PRDM15: variants seen among roughly 807,000 people sequenced by gnomAD.
PRDM15 encodes PR/SET domain 15.
Under a neutral mutation model 128.6 loss-of-function variants are expected in PRDM15, and 64 were observed. That is an observed-to-expected ratio of 0.50 (90% CI 0.41 to 0.61). The LOEUF (loss-of-function observed/expected upper bound fraction) is 0.61, where lower values mean the gene tolerates loss of function less well. Among genes scored for constraint, PRDM15 ranks in the 20% least tolerant of loss-of-function variants. PRDM15 has a pLI of 0.00. For synonymous variants in PRDM15, 615 were observed against 621.8 expected (o/e 0.99, Z 0.16); for missense variants, 1,242 against 1,569.1 (o/e 0.79, Z 3.52).
rs68144016 is a variant in PRDM15 at position 41,832,727 on chromosome 21, T to A, written c.1366+2710A>T. On this transcript the variant is annotated intron_variant, in intron 11 of 23. Coordinates refer to ENST00000398548, the MANE Select transcript of PRDM15 (RefSeq NM_001040424.3). This position sits in a 1 kb window ranked among gnomAD's most constrained non-coding sequence, Gnocchi z 4.2. ...AGCCCCCCTCCCAGGCAGGTGCAAA[T>A]CAGCACCCATGAGCACCCCCTCCTG... Among the ~76,000 whole-genome samples, 25,955 of 151,882 alleles carry A rather than the reference T, an allele frequency of 0.17. 3,339 individuals are homozygous for A. Among genetic ancestry groups the A allele is most frequent in the African/African-American group, 0.36 (14,808 of 41,394 alleles).
At chr21:41,869,560 C>T (rs2064139719) in intron 1 of PRDM15, among the ~76,000 whole-genome samples, 1 of 151,990 alleles carries the variant, frequency 6.6e-6, no homozygotes. Flanking sequence ...GATTCTCCTG[C>T]CTCAGCCTCT....
At chr21:41,823,224 T>G in intron 14 of PRDM15, 94 bp downstream of exon 14, 1 of 1,496,824 alleles carries the variant, frequency 6.7e-7, no homozygotes, top group Non-Finnish European at 9.1e-7. Flanking sequence ...GAAGCTGCCC[T>G]GCCCACAGAA....
intron 1 of PRDM15, chr21:41,878,603 A>G: frequency 1.5e-6 from 1 of 670,366 alleles, no homozygotes; most frequent in Non-Finnish European, 2.2e-6. Flanking sequence ...CCGGGTAGGC[A>G]CGCGTCACCT....
rs760244371 is a variant in PRDM15 at position 41,810,747 on chromosome 21, G to A, written c.2476+6C>T. ...CCCGAAGGCTCCTTCAGGCTGCGCC[G>A]CTCACCTGTGTGGATGAGCTTGTGG... On this transcript the variant is annotated splice_donor_region_variant and intron_variant, in intron 20 of 23. Transcript: ENST00000398548. The surrounding 1 kb of genome is among the most constrained non-coding windows in gnomAD (Gnocchi z 6.4). 2.7e-5 allele frequency: 44 copies of A among 1,613,208 alleles called. No homozygotes were observed. Among genetic ancestry groups the A allele is most frequent in the South Asian group, 1.6e-4 (15 of 91,084 alleles).
At chr21:41,874,525 A>AT (rs61045274) in intron 1 of PRDM15, among the ~76,000 whole-genome samples, 4,972 of 95,748 alleles carry the variant, frequency 0.052, 209 homozygotes, top group Admixed American at 0.12. Flanking sequence ...ATATATATAT[A>AT]TTTTTTTTTT....
At position 41,805,822 on chromosome 21, in the gene PRDM15, C is replaced by A. The variant is rs368999588; in HGVS notation, c.2653-1208G>T. Among the ~76,000 whole-genome samples the A allele has an allele frequency of 4.3e-4, 65 of 149,956 alleles. No homozygotes were observed. In the East Asian group the frequency reaches 5.6e-3, roughly 13 times the overall value. The stretch of plus-strand genomic sequence containing the variant: ...AACACAACCACCTCCATCACCATTA[C>A]CAACACCATCACCACCAACACAACC... On this transcript the variant is annotated intron_variant, in intron 21 of 23. Coordinates refer to ENST00000398548, the MANE Select transcript of PRDM15 (RefSeq NM_001040424.3).
intron 21 of PRDM15, among the ~76,000 whole-genome samples, chr21:41,808,433 T>C (rs1399249905): frequency 1.3e-5 from 2 of 152,148 alleles, no homozygotes. Flanking sequence ...GGGAGCCTGA[T>C]CGGGCTGCAG....
chr21:41,833,317 C>T (rs75958980), intron 11 of PRDM15, among the ~76,000 whole-genome samples: 5,603 of 152,282 alleles, frequency 0.037, 151 homozygotes, highest in Middle Eastern at 0.11. Flanking sequence ...CATTTTAAAA[C>T]TGCCCCCCAC....
At chr21:41,869,074 G>C (rs1447746474) in intron 1 of PRDM15, among the ~76,000 whole-genome samples, 1 of 152,066 alleles carries the variant, frequency 6.6e-6, no homozygotes, top group Non-Finnish European at 1.5e-5. Flanking sequence ...ATGCTTTGTC[G>C]CATGTAGTTT....
intron 22 of PRDM15, 51 bp from the exon 23 acceptor site, chr21:41,802,972 G>T: frequency 1.3e-6 from 2 of 1,489,076 alleles, no homozygotes; most frequent in Non-Finnish European, 9.3e-7. Flanking sequence ...GTCACGTCAG[G>T]CAGCGGCCAG....
intron 10 of PRDM15, among the ~76,000 whole-genome samples, 179 bp downstream of exon 10, chr21:41,835,934 G>GCCTC (rs2146574585): frequency 1.5e-5 from 1 of 64,980 alleles, no homozygotes; most frequent in East Asian, 3.1e-4. Context: ...TCCCCCACAG[G>GCCTC]GTTTGGCCGC....
rs1412842966 is a variant in PRDM15, at chr21:41,862,768, A to G, written c.-9-2396T>C. 6.6e-6 allele frequency among the ~76,000 whole-genome samples: 1 copy of G among 152,126 alleles called. No homozygotes were observed. The highest frequency in any genetic ancestry group is 1.5e-5 in the Non-Finnish European group (1 of 68,018). On this transcript the variant is annotated intron_variant, in intron 1 of 23. Transcript: ENST00000398548. This position sits in a 1 kb window ranked among gnomAD's most constrained non-coding sequence, Gnocchi z 4.1. ...CCTTTAACACTCAGAAAGTGCCTTC[A>G]TAGAAGGGGAAGTGTGGTCTCCAGA...
chr21:41,820,709 C>T (rs1340786405), intron 16 of PRDM15, among the ~76,000 whole-genome samples: 1 of 152,258 alleles, frequency 6.6e-6, no homozygotes, highest in Non-Finnish European at 1.5e-5. Flanking sequence ...GTCACTCACT[C>T]AGCAGACCGC....
intron 1 of PRDM15, among the ~76,000 whole-genome samples, chr21:41,870,389 C>G (rs1439435815): frequency 6.6e-6 from 1 of 152,160 alleles, no homozygotes; most frequent in African/African-American, 2.4e-5. Context: ...TCTGGAGGCT[C>G]AGGGAGTTTT....
At chr21:41,809,655 T>C (rs2061797370) in intron 21 of PRDM15, among the ~76,000 whole-genome samples, 1 of 152,232 alleles carries the variant, frequency 6.6e-6, no homozygotes, top group Non-Finnish European at 1.5e-5. Flanking sequence ...ACCTGACAAC[T>C]AAGTTTTCCT....
chr21:41,854,479 T>C lies in PRDM15; in HGVS notation c.538+87A>G. 5 of 1,518,162 alleles carry C rather than the reference T, an allele frequency of 3.3e-6. No individual in the cohort carries two copies. The highest frequency in any genetic ancestry group is 2.7e-6 in the Non-Finnish European group (3 of 1,124,548). The allele number at this position is 1,518,162 out of a possible 1,614,324, so 94.0% of individuals were successfully genotyped here. A position where few individuals can be genotyped will look rare whatever the true frequency, so the allele number is the denominator to read the frequency against. ...GGCCCAGCCCAACCCATCTCATCAG[T>C]GTGGGGTCAGCACAGAGCCAAGGGA... On this transcript the variant is annotated intron_variant, in intron 5 of 23. Coordinates refer to ENST00000398548, the MANE Select transcript of PRDM15 (RefSeq NM_001040424.3). The surrounding 1 kb of genome is among the most constrained non-coding windows in gnomAD (Gnocchi z 4.6).
intron 1 of PRDM15, chr21:41,871,821 T>C: frequency 1.8e-6 from 1 of 561,848 alleles, no homozygotes; most frequent in Non-Finnish European, 3.1e-6. Context: ...GCTCAGGACG[T>C]GCAGACACAG....
chr21:41,802,988 C>T, intron 22 of PRDM15, 67 bp from the exon 23 acceptor site: 3 of 1,240,814 alleles, frequency 2.4e-6, no homozygotes, highest in Non-Finnish European at 3.5e-6. Context: ...GCCAGGGCAG[C>T]CCCAGCACTG....
At chr21:41,824,828 T>C (rs535996505) in intron 13 of PRDM15, among the ~76,000 whole-genome samples, 4 of 152,280 alleles carry the variant, frequency 2.6e-5, no homozygotes, top group African/African-American at 9.6e-5. Flanking sequence ...AATCAGGAAA[T>C]TTCATATAAA....
Sources: allele counts gnomAD v4.1 joint callset (sites outside exome capture counted in the v4.1 genomes callset), GRCh38; gene constraint gnomAD v4.1.1; non-coding constraint Gnocchi (gnomAD v3.1); transcripts MANE v1.5; gene names NCBI Gene and HGNC (gene_info 2026-07-23, HGNC 2026-07-21).